Variants in ZCCHC14 observed in about 807,000 individuals in gnomAD.
ZCCHC14 encodes the protein zinc finger CCHC-type containing 14, also known as zinc finger CCHC domain-containing protein 14.
A neutral mutation model predicts 85.0 loss-of-function variants in ZCCHC14; 16 were observed. That is an observed-to-expected ratio of 0.19 (90% confidence interval 0.13 to 0.29). The LOEUF is 0.29. Ranked by LOEUF, ZCCHC14 falls within the 10% of genes least tolerant of loss-of-function variation. The pLI is 1.00. For synonymous variants in ZCCHC14, 775 were observed against 630.7 expected, an observed-to-expected ratio of 1.23 and a Z score of -3.43; for missense variants, 1,303 against 1,443.5, an observed-to-expected ratio of 0.90 and a Z score of 1.58.
intron 3 of ZCCHC14, among the ~76,000 whole-genome samples, chr16:87,428,223 C>A (rs916817569): frequency 6.6e-6 from 1 of 152,084 alleles, no homozygotes; most frequent in African/African-American, 2.4e-5. Flanking sequence ...CCTTTTGTAT[C>A]CTGGAAAACA....
intron 1 of ZCCHC14, among the ~76,000 whole-genome samples, chr16:87,485,446 G>C (rs1385996981): frequency 6.6e-6 from 1 of 152,086 alleles, no homozygotes; most frequent in South Asian, 2.1e-4. Context: ...AAATTACCTT[G>C]CTAAAACTAA....
At position 87,423,680 on chromosome 16, in the gene ZCCHC14, C is replaced by A; in HGVS notation, c.840+130G>T. ...GGCCTGGGACTCCACTGTGGCTGGG[C>A]AGGAGGCCCCGCCCTGCGCACGCTC... On this transcript the variant is annotated intron_variant, in intron 4 of 12. Coordinates refer to ENST00000671377, the MANE Select transcript of ZCCHC14 (RefSeq NM_015144.3). 3.0e-6 allele frequency: 3 copies of A among 995,308 alleles called. No homozygotes were observed. In the Admixed American group the frequency reaches 7.1e-5, roughly 24 times the overall value. 61.7% of individuals were successfully genotyped at this position (995,308 alleles called of 1,614,324 possible).
At chr16:87,429,305 T>A (rs1909529973) in intron 3 of ZCCHC14, among the ~76,000 whole-genome samples, 2 of 152,188 alleles carry the variant, frequency 1.3e-5, no homozygotes. Context: ...TCTTTTCACA[T>A]GTGTTTATGT....
chr16:87,443,959 C>A (rs1910307432), intron 2 of ZCCHC14, among the ~76,000 whole-genome samples: 1 of 149,276 alleles, frequency 6.7e-6, no homozygotes, highest in Admixed American at 6.8e-5. Context: ...ATCACTTGAA[C>A]CTGGGAGGCG....
At chr16:87,487,661 C>A (rs920749007) in intron 1 of ZCCHC14, among the ~76,000 whole-genome samples, 3 of 152,256 alleles carry the variant, frequency 2.0e-5, no homozygotes, top group Non-Finnish European at 4.4e-5. Flanking sequence ...AGGCACAGTG[C>A]ACGGGGGTGA....
chr16:87,468,147 A>C (rs930789625), intron 1 of ZCCHC14, among the ~76,000 whole-genome samples: 1 of 152,206 alleles, frequency 6.6e-6, no homozygotes, highest in African/African-American at 2.4e-5. Context: ...GTGTTCTCTA[A>C]AGATTCATGT....
chr16:87,411,859 C>T lies in ZCCHC14; in HGVS notation c.2862G>A (p.Pro954=), dbSNP rs542641268. 2.6e-5 allele frequency: 42 copies of T among 1,607,510 alleles called. No individual in the cohort carries two copies. The highest frequency in any genetic ancestry group is 2.4e-4 in the Admixed American group (14 of 58,798). Residue 954 remains proline, a synonymous_variant, in exon 12 of 13, where the codon CCG becomes CCA. Coordinates refer to ENST00000671377, the MANE Select transcript of ZCCHC14 (RefSeq NM_015144.3). ...GCAAGAAGGGGAAGGTGAACACGGA[C>T]GGACCGGAGAACGGGTGCTGGAAGT... ...ANYFQHPFSG[P]SVFTFPFLPF... is the part of the protein sequence containing the mutation.
At chr16:87,464,310 A>G (rs1911417180) in intron 1 of ZCCHC14, among the ~76,000 whole-genome samples, 1 of 152,172 alleles carries the variant, frequency 6.6e-6, no homozygotes, top group Non-Finnish European at 1.5e-5. Flanking sequence ...ACTCCCCACC[A>G]AAATCAGAGT....
chr16:87,435,054 T>C (rs1400974355), intron 2 of ZCCHC14, among the ~76,000 whole-genome samples: 4 of 150,004 alleles, frequency 2.7e-5, no homozygotes, highest in Non-Finnish European at 5.9e-5. Context: ...AAACTCCTTG[T>C]AAACTGTCAA....
chr16:87,418,078 C>T (rs1908890009), intron 7 of ZCCHC14, among the ~76,000 whole-genome samples: 1 of 152,246 alleles, frequency 6.6e-6, no homozygotes. Flanking sequence ...TCTCTGTCCC[C>T]ACCAGACTTC....
At chr16:87,463,588 G>A (rs1299604065) in intron 1 of ZCCHC14, among the ~76,000 whole-genome samples, 1 of 152,136 alleles carries the variant, frequency 6.6e-6, no homozygotes, top group Non-Finnish European at 1.5e-5. Context: ...GGAGGCCGAG[G>A]CGGACAGATC....
intron 2 of ZCCHC14, among the ~76,000 whole-genome samples, chr16:87,454,033 G>C (rs925684629): frequency 2.0e-5 from 3 of 152,198 alleles, no homozygotes; most frequent in Non-Finnish European, 2.9e-5. Context: ...ACGTCCATTA[G>C]CTTGGTGTAC....
chr16:87,468,154 ATG>A (rs1160333234), intron 1 of ZCCHC14, among the ~76,000 whole-genome samples: 2 of 152,188 alleles, frequency 1.3e-5, no homozygotes, highest in Non-Finnish European at 2.9e-5. Flanking sequence ...CTAAAGATTC[ATG>A]TGTTTTTTTA....
chr16:87,463,201 T>C (rs564880873), intron 1 of ZCCHC14, among the ~76,000 whole-genome samples: 3 of 152,210 alleles, frequency 2.0e-5, no homozygotes, highest in African/African-American at 4.8e-5. Flanking sequence ...AGGCAACATA[T>C]TGAGACCCCC....
At chr16:87,419,981 GA>G in intron 5 of ZCCHC14, 104 bp from the exon 6 acceptor site, 1 of 932,210 alleles carries the variant, frequency 1.1e-6, no homozygotes, top group Non-Finnish European at 1.6e-6. Context: ...TGTATTAGAG[GA>G]AAAAAGCCAG....
At chr16:87,424,219 T>C (rs1909250581) in intron 3 of ZCCHC14, among the ~76,000 whole-genome samples, 1 of 152,206 alleles carries the variant, frequency 6.6e-6, no homozygotes, top group African/African-American at 2.4e-5. Context: ...CCTCCTCTTC[T>C]TAAGTGAGCC....
chr16:87,415,690 G>T (rs1414981035), intron 8 of ZCCHC14, among the ~76,000 whole-genome samples: 1 of 152,188 alleles, frequency 6.6e-6, no homozygotes, highest in Non-Finnish European at 1.5e-5. Flanking sequence ...CCTCTGCTCT[G>T]TGAGTAAATA....
intron 4 of ZCCHC14, among the ~76,000 whole-genome samples, chr16:87,422,910 G>A (rs560316520): frequency 2.0e-5 from 3 of 152,152 alleles, no homozygotes; most frequent in African/African-American, 4.8e-5. Context: ...ATTCCCGGGG[G>A]GGGGTGTGTG....
At chr16:87,481,526 C>CAGG (rs1892658109) in intron 1 of ZCCHC14, among the ~76,000 whole-genome samples, 1 of 2,434 alleles carries the variant, frequency 4.1e-4, no homozygotes, top group East Asian at 0.018. Context: ...GGGAGAGAAA[C>CAGG]GGGGGGGGGG....
Sources: allele counts gnomAD v4.1 joint callset (sites outside exome capture counted in the v4.1 genomes callset), GRCh38; gene constraint gnomAD v4.1.1; transcripts MANE v1.5; gene names NCBI Gene and HGNC (gene_info 2026-07-23, HGNC 2026-07-21).